The following BAIAP2L1 variants were observed in gnomAD, a reference collection of about 807,000 sequenced individuals.
The protein encoded by BAIAP2L1 is BAR/IMD domain-containing adapter protein 2-like 1.
A neutral mutation model predicts 66.3 loss-of-function variants in BAIAP2L1; 35 were observed. That is an observed-to-expected ratio of 0.53 (90% CI 0.40 to 0.70). The LOEUF is 0.70. Ranked by LOEUF, BAIAP2L1 falls within the 30% of genes least tolerant of loss-of-function variation. BAIAP2L1 has a pLI of 0.00. For synonymous variants in BAIAP2L1, 269 were observed against 248.7 expected (o/e 1.08, Z -0.77); for missense variants, 622 against 656.9 (o/e 0.95, Z 0.58).
chr7:98,325,725 G>C (rs1275025431), intron 3 of BAIAP2L1, among the ~76,000 whole-genome samples: 1 of 152,118 alleles, frequency 6.6e-6, no homozygotes, highest in Non-Finnish European at 1.5e-5. Context: ...ATTGGAAAAA[G>C]GACTGAATTT....
At chr7:98,321,206 T>C (rs1257063583) in intron 3 of BAIAP2L1, among the ~76,000 whole-genome samples, 1 of 152,186 alleles carries the variant, frequency 6.6e-6, no homozygotes, top group Non-Finnish European at 1.5e-5. Context: ...AAGTTCTATA[T>C]ATCTGATTCA....
chr7:98,304,938 T>A (rs1343406778), intron 11 of BAIAP2L1, among the ~76,000 whole-genome samples: 1 of 150,668 alleles, frequency 6.6e-6, no homozygotes, highest in African/African-American at 2.4e-5. Flanking sequence ...CGATCTTGGC[T>A]CACTGCAACA....
At chr7:98,362,208 C>A in intron 2 of BAIAP2L1, 149 bp downstream of exon 2, 1 of 609,384 alleles carries the variant, frequency 1.6e-6, no homozygotes, top group Non-Finnish European at 2.8e-6. Flanking sequence ...TCATTGTGTA[C>A]TGTCATTGCA....
At position 98,320,094 on chromosome 7, in the gene BAIAP2L1, C is replaced by T. The variant is rs1801201986; in HGVS notation, c.312G>A (p.Leu104=). ...KKFHKEIIHE[L]EKKIELDVKY... is the part of the protein sequence containing the mutation. ...TCACGTCAAGTTCTATCTTCTTCTC[C>T]AGCTCATGGATAATCTCTTTGTGGA... is the stretch of plus-strand genomic sequence containing the variant. Residue 104 remains leucine, a synonymous_variant, in exon 5 of 14, where the codon CTG becomes CTA. Transcript: ENST00000005260. 2 of 1,613,590 alleles carry T rather than the reference C, an allele frequency of 1.2e-6. No individual in the cohort carries two copies. Among genetic ancestry groups the T allele is most frequent in the Non-Finnish European group, 1.7e-6 (2 of 1,179,570 alleles).
intron 3 of BAIAP2L1, among the ~76,000 whole-genome samples, chr7:98,329,021 G>A (rs956633458): frequency 2.0e-5 from 3 of 152,160 alleles, no homozygotes; most frequent in African/African-American, 7.2e-5. Context: ...AGTCTGAAGT[G>A]CTGACATTTC....
intron 7 of BAIAP2L1, 51 bp from the exon 8 acceptor site, chr7:98,312,315 C>G (rs1344460787): frequency 6.5e-7 from 1 of 1,543,302 alleles, no homozygotes. Context: ...GTCTGAAGAG[C>G]TGAGAAAAAT....
At chr7:98,298,825 CG>C (rs1448809366) in intron 12 of BAIAP2L1, among the ~76,000 whole-genome samples, 5 of 151,596 alleles carry the variant, frequency 3.3e-5, no homozygotes, top group Non-Finnish European at 7.4e-5. Context: ...CAGAGGCCCC[CG>C]GGGCTTTCAG....
Position 98,337,494 on chromosome 7 carries a change from C to T in BAIAP2L1, c.215-17196G>A, listed in dbSNP as rs954584332. ...GATCCACCCACCTTGGCCTCAGATA[C>T]CTTCTTGTGTGAACAGTTGAGGAGA... On this transcript the variant is annotated intron_variant, in intron 3 of 13. Transcript: ENST00000005260. Among the ~76,000 whole-genome samples, 6 of 152,258 alleles carry T rather than the reference C, an allele frequency of 3.9e-5. No individual in the cohort carries two copies. The South Asian group carries it at 1.2e-3, about 32-fold the overall frequency.
At chr7:98,301,266 G>A (rs1800407406) in intron 12 of BAIAP2L1, among the ~76,000 whole-genome samples, 1 of 152,172 alleles carries the variant, frequency 6.6e-6, no homozygotes, top group Non-Finnish European at 1.5e-5. Flanking sequence ...TGTGCTGGAT[G>A]GGCCTTCTCA....
chr7:98,400,906 C>T lies in BAIAP2L1; in HGVS notation c.-54G>A. 6.8e-7 allele frequency: 1 copy of T among 1,478,042 alleles called. No individual in the cohort carries two copies. Among genetic ancestry groups the T allele is most frequent in the Non-Finnish European group, 9.0e-7 (1 of 1,114,976 alleles). 91.6% of individuals were successfully genotyped at this position (1,478,042 alleles called of 1,614,324 possible). ...GGAGGACGCGGCTGGGCCTCGTGGC[C>T]GCCGGACTCCGGGCAGCGGGAGGGC... On this transcript the variant is annotated 5_prime_UTR_variant, in exon 1 of 14. Transcript: ENST00000005260.
chr7:98,339,549 C>G (rs1302185575), intron 3 of BAIAP2L1, among the ~76,000 whole-genome samples: 3 of 152,222 alleles, frequency 2.0e-5, no homozygotes, highest in Non-Finnish European at 4.4e-5. Flanking sequence ...AACTGTCTAC[C>G]CTCCACCGTG....
intron 1 of BAIAP2L1, among the ~76,000 whole-genome samples, chr7:98,370,272 G>A (rs1584491737): frequency 6.6e-6 from 1 of 151,450 alleles, no homozygotes; most frequent in East Asian, 2.0e-4. Flanking sequence ...CTATTCAGGA[G>A]GCTGAGACAA....
At chr7:98,397,279 C>T (rs1803233988) in intron 1 of BAIAP2L1, among the ~76,000 whole-genome samples, 2 of 148,788 alleles carry the variant, frequency 1.3e-5, no homozygotes, top group Non-Finnish European at 3.0e-5. Context: ...GGACATCCCT[C>T]GATGCTGCCA....
chr7:98,306,712 A>AT (rs928406733), intron 10 of BAIAP2L1, 196 bp from the exon 11 acceptor site: 403 of 785,678 alleles, frequency 5.1e-4, no homozygotes, highest in Middle Eastern at 7.8e-4. Flanking sequence ...ATTGTTAACA[A>AT]TTTTTTTTTA....
chr7:98,320,283 T>A lies in BAIAP2L1; in HGVS notation c.230A>T (p.Glu77Val), dbSNP rs753624941. Reference sequence around the variant, plus strand: ...GAGTTTCTTGTGGGTACTTGAAATCTCTATGAGGACATGTCCTGGGAACAA... The same window carrying A: ...GAGTTTCTTGTGGGTACTTGAAATCACTATGAGGACATGTCCTGGGAACAA... ...VSTELGHVLI[E>V]ISSTHKKLNE... is the part of the protein sequence containing the mutation. Residue 77 changes from glutamate to valine, a missense_variant, in exon 4 of 14, where the codon GAG becomes GTG. Physicochemically the swap from Glu to Val is moderately radical, Grantham distance 121. Transcript: ENST00000005260. The A allele has an allele frequency of 5.0e-6, 8 of 1,607,638 alleles. No individual in the cohort carries two copies. Among genetic ancestry groups the A allele is most frequent in the Non-Finnish European group, 6.8e-6 (8 of 1,175,982 alleles).
At chr7:98,349,888 C>T (rs1035368324) in intron 3 of BAIAP2L1, among the ~76,000 whole-genome samples, 1 of 152,080 alleles carries the variant, frequency 6.6e-6, no homozygotes, top group Non-Finnish European at 1.5e-5. Context: ...GAAACCCCAT[C>T]TCTACTGAAA....
At chr7:98,341,403 C>A (rs1183066911) in intron 3 of BAIAP2L1, among the ~76,000 whole-genome samples, 1 of 152,072 alleles carries the variant, frequency 6.6e-6, no homozygotes, top group African/African-American at 2.4e-5. Flanking sequence ...AAAGCACAGT[C>A]CAGGTGCAGT....
intron 3 of BAIAP2L1, among the ~76,000 whole-genome samples, chr7:98,350,897 C>T (rs1270549539): frequency 6.6e-6 from 1 of 151,946 alleles, no homozygotes; most frequent in African/African-American, 2.4e-5. Flanking sequence ...CACTCTGTTG[C>T]CCAGGCTGGA....
intron 12 of BAIAP2L1, among the ~76,000 whole-genome samples, chr7:98,296,775 C>A (rs953750725): frequency 6.6e-6 from 1 of 152,228 alleles, no homozygotes; most frequent in Admixed American, 6.5e-5. Context: ...CTGGCAGGAG[C>A]CTCTCTGCCT....
Sources: gnomAD v4.1 joint callset for allele counts (sites outside exome capture counted in the v4.1 genomes callset) on GRCh38, gnomAD v4.1.1 for gene constraint, MANE v1.5 for transcripts, NCBI Gene and HGNC (gene_info 2026-07-23, HGNC 2026-07-21) for gene names.